PROM1: variants seen among roughly 807,000 people sequenced by gnomAD.
PROM1 encodes the protein prominin-1.
Under a neutral mutation model 116.9 loss-of-function variants are expected in PROM1, and 105 were observed. The observed-to-expected ratio is 0.90, with a 90% CI of 0.77 to 1.06. The LOEUF is 1.06. PROM1 is among the 50% of genes least tolerant of loss of function. The pLI, the probability that PROM1 is intolerant of heterozygous loss-of-function variation, is 0.00. For synonymous variants in PROM1, 393 were observed against 387.0 expected (o/e 1.02, Z -0.18); for missense variants, 1,122 against 1,045.2 (o/e 1.07, Z -1.01).
At position 15,996,512 on chromosome 4, in the gene PROM1, A is replaced by AAAAT. The variant is rs34403866; in HGVS notation, c.1682+1869_1682+1872dup. Among the ~76,000 whole-genome samples, 840 of 149,604 alleles carry AAAAT rather than the reference A, an allele frequency of 5.6e-3. 4 individuals carry two copies. The highest frequency in any genetic ancestry group is 0.014 in the African/African-American group (558 of 40,618). On this transcript the variant is annotated intron_variant, in intron 15 of 27. Transcript: ENST00000447510. The stretch of plus-strand genomic sequence containing the variant: ...GTGATAGAGCGAGACTCCATCTCAG[A>AAAAT]AAATAAATAAATAAATAAATAAATA...
At chr4:15,970,324 C>T (rs1241214175) in intron 27 of PROM1, among the ~76,000 whole-genome samples, 1 of 151,430 alleles carries the variant, frequency 6.6e-6, no homozygotes, top group Admixed American at 6.6e-5. Context: ...ATTACAGGGG[C>T]CCCCCACCAC....
intron 19 of PROM1, 23 bp downstream of exon 19, chr4:15,989,709 T>C (rs2149103784): frequency 6.4e-7 from 1 of 1,554,356 alleles, no homozygotes; most frequent in Non-Finnish European, 8.8e-7. Context: ...CACAGTGAAA[T>C]ACAATACGTC....
intron 26 of PROM1, chr4:15,976,329 A>G (rs573796091): frequency 2.0e-5 from 8 of 407,442 alleles, no homozygotes; most frequent in Non-Finnish European, 3.9e-5. Context: ...GTTAAATCCA[A>G]GAGTTATCAA....
chr4:16,048,258 A>G (rs1736983863), intron 2 of PROM1, among the ~76,000 whole-genome samples: 2 of 152,162 alleles, frequency 1.3e-5, no homozygotes, highest in African/African-American at 4.8e-5. Flanking sequence ...CGGGTCCTGG[A>G]GTTCACCAAA....
At chr4:16,068,408 C>G (rs549164156) in intron 2 of PROM1, among the ~76,000 whole-genome samples, 6 of 152,302 alleles carry the variant, frequency 3.9e-5, no homozygotes, top group Non-Finnish European at 5.9e-5. Context: ...AGGCCAGTTG[C>G]TATTGGCATG....
Position 15,995,816 on chromosome 4 carries a change from G to A in PROM1, c.1683-1745C>T, listed in dbSNP as rs549160946. ...AGACACCCTCCTTGGGGCTTCTAGA[G>A]TAGCCTCAATACATTTCTGTCACCT... is the stretch of plus-strand genomic sequence containing the variant. On this transcript the variant is annotated intron_variant, in intron 15 of 27. Coordinates refer to ENST00000447510, the MANE Select transcript of PROM1 (RefSeq NM_006017.3). Among the ~76,000 whole-genome samples the A allele has an allele frequency of 3.9e-5, 6 of 152,262 alleles. No homozygotes were observed. The South Asian group carries it at 1.2e-3, about 32-fold the overall frequency.
intron 8 of PROM1, among the ~76,000 whole-genome samples, chr4:16,020,802 T>C (rs1457351055): frequency 8.5e-5 from 13 of 152,224 alleles, no homozygotes; most frequent in Admixed American, 8.5e-4. Flanking sequence ...TCAGAAGTAA[T>C]AAATACATGT....
Position 16,016,184 on chromosome 4 carries a change from C to T in PROM1, c.1059G>A (p.Leu353=). The T allele has an allele frequency of 6.4e-7, 1 of 1,554,780 alleles. No homozygotes were observed. The change falls in exon 10 of 28, where the codon TTG becomes TTA. Residue 353 remains leucine (L), a synonymous_variant. Transcript: ENST00000447510. The stretch of plus-strand genomic sequence containing the variant: ...AGCATACCTGTTGGACCAGGCCATC[C>T]AAATCTGTCCTAAGAACGTTATTAA... The part of the protein sequence containing the change: ...DNVNNVLRTD[L]DGLVQQGYQS...
chr4:16,012,705 C>T (rs563021698), intron 11 of PROM1, among the ~76,000 whole-genome samples: 27 of 151,892 alleles, frequency 1.8e-4, no homozygotes, highest in African/African-American at 4.3e-4. Flanking sequence ...CCCATCTCTA[C>T]TAAAAATACA....
chr4:16,007,881 G>A (rs1021972155), intron 12 of PROM1, among the ~76,000 whole-genome samples: 10 of 152,186 alleles, frequency 6.6e-5, no homozygotes, highest in Admixed American at 3.3e-4. Flanking sequence ...GGAGCTCGTT[G>A]TTTGTGGGGC....
At chr4:15,984,228 T>A in intron 23 of PROM1, 35 bp downstream of exon 23, 2 of 1,463,276 alleles carry the variant, frequency 1.4e-6, no homozygotes, top group Non-Finnish European at 1.9e-6. Flanking sequence ...AGATGATGGA[T>A]TCATTGTGTC....
chr4:16,013,757 C>T (rs1289923312), intron 10 of PROM1, among the ~76,000 whole-genome samples: 2 of 151,916 alleles, frequency 1.3e-5, no homozygotes, highest in Non-Finnish European at 2.9e-5. Context: ...GGGGAGATGC[C>T]AGGGATGCTA....
chr4:16,021,397 G>A (rs186627709), intron 8 of PROM1, among the ~76,000 whole-genome samples: 3 of 152,258 alleles, frequency 2.0e-5, no homozygotes, highest in Admixed American at 1.3e-4. Context: ...TACTTAATTT[G>A]GGGCTGGAAG....
At position 16,033,715 on chromosome 4, in the gene PROM1, G is replaced by A. The variant is rs377490598; in HGVS notation, c.304-206C>T. 1.2e-3 allele frequency among the ~76,000 whole-genome samples: 178 copies of A among 149,396 alleles called. 4 individuals carry two copies. In the South Asian group the frequency reaches 0.023, roughly 19 times the overall value. ...AGCGATTCTTGGGCCTCAGCCTCCC[G>A]AGTACTGTATTTTTAGTAGAGACAG... On this transcript the variant is annotated intron_variant, in intron 4 of 27. Transcript: ENST00000447510.
intron 5 of PROM1, among the ~76,000 whole-genome samples, chr4:16,026,933 C>T (rs553134449): frequency 1.3e-5 from 2 of 152,226 alleles, no homozygotes; most frequent in African/African-American, 4.8e-5. Context: ...CACTTTCTTT[C>T]TGTGGACTCC....
intron 12 of PROM1, among the ~76,000 whole-genome samples, chr4:16,007,966 C>T (rs1219782778): frequency 2.6e-5 from 4 of 152,192 alleles, no homozygotes; most frequent in African/African-American, 9.7e-5. Context: ...AAGGAAGTCA[C>T]TTCACTTCCC....
At chr4:16,058,453 G>C (rs538704017) in intron 2 of PROM1, among the ~76,000 whole-genome samples, 14 of 152,244 alleles carry the variant, frequency 9.2e-5, no homozygotes, top group African/African-American at 3.4e-4. Context: ...TTCAAGACCA[G>C]CCTGGACAAC....
chr4:15,972,816 T>G (rs572582213), intron 26 of PROM1, among the ~76,000 whole-genome samples: 1 of 152,266 alleles, frequency 6.6e-6, no homozygotes, highest in African/African-American at 2.4e-5. Flanking sequence ...AGAGTAGACA[T>G]CACACACTGA....
chr4:16,015,444 C>T (rs1460576444), intron 10 of PROM1, among the ~76,000 whole-genome samples: 2 of 150,766 alleles, frequency 1.3e-5, no homozygotes, highest in African/African-American at 2.4e-5. Flanking sequence ...AATCCCAGCA[C>T]TTTGGAAGGC....
Sources: gnomAD v4.1 joint callset for allele counts (sites outside exome capture counted in the v4.1 genomes callset) on GRCh38, gnomAD v4.1.1 for gene constraint, MANE v1.5 for transcripts, NCBI Gene and HGNC (gene_info 2026-07-23, HGNC 2026-07-21) for gene names.